CDH12: variants seen among roughly 807,000 people sequenced by gnomAD.
The protein encoded by CDH12 is cadherin-12.
Under a neutral mutation model 74.1 loss-of-function variants are expected in CDH12, and 41 were observed. The observed-to-expected ratio is 0.55, with a 90% CI of 0.43 to 0.72. The LOEUF (loss-of-function observed/expected upper bound fraction) is 0.72. Among genes scored for constraint, CDH12 ranks in the 30% least tolerant of loss-of-function variants. The pLI is 0.00. For missense variants in CDH12, 945 were observed against 977.2 expected (o/e 0.97, Z 0.44); for synonymous variants, 399 against 355.0 (o/e 1.12, Z -1.39).
Position 22,601,671 on chromosome 5 carries a change from T to G in CDH12, c.-522-96307A>C, listed in dbSNP as rs543998014. On this transcript the variant is annotated intron_variant, in intron 1 of 14. Transcript: ENST00000382254. ...TAAGTTATCGACTGGGTACTTTCTT[T>G]ACGTGTGTAATTTAATCCTTACATC... 9.2e-5 allele frequency among the ~76,000 whole-genome samples: 14 copies of G among 152,192 alleles called. No individual in the cohort carries two copies. In the South Asian group the frequency reaches 2.9e-3, roughly 32 times the overall value.
At chr5:22,632,547 T>A (rs1738640990) in intron 1 of CDH12, among the ~76,000 whole-genome samples, 1 of 152,124 alleles carries the variant, frequency 6.6e-6, no homozygotes, top group African/African-American at 2.4e-5. Context: ...TCACTGAAGA[T>A]GTTCAAAAGT....
At chr5:22,386,983 T>C (rs1742026102) in intron 3 of CDH12, among the ~76,000 whole-genome samples, 1 of 151,972 alleles carries the variant, frequency 6.6e-6, no homozygotes, top group Non-Finnish European at 1.5e-5. Flanking sequence ...TTAAATTGTG[T>C]TGACAAACCT....
intron 1 of CDH12, among the ~76,000 whole-genome samples, chr5:22,621,903 C>T (rs1336725062): frequency 6.6e-6 from 1 of 151,992 alleles, no homozygotes; most frequent in Admixed American, 6.6e-5. Flanking sequence ...CAATCATTTT[C>T]AATGGAATTT....
intron 4 of CDH12, among the ~76,000 whole-genome samples, chr5:22,084,907 A>G (rs115687978): frequency 2.1e-4 from 32 of 152,294 alleles, no homozygotes; most frequent in African/African-American, 7.7e-4. Flanking sequence ...CCCAGCACCA[A>G]TGGTGTTGTT....
intron 4 of CDH12, among the ~76,000 whole-genome samples, chr5:22,158,499 A>G (rs903500790): frequency 3.3e-5 from 5 of 152,090 alleles, no homozygotes; most frequent in African/African-American, 7.2e-5. Context: ...CCATTCATGA[A>G]GACCTTGTAC....
intron 3 of CDH12, among the ~76,000 whole-genome samples, chr5:22,265,872 T>C (rs1410098310): frequency 1.3e-5 from 2 of 152,056 alleles, no homozygotes; most frequent in Non-Finnish European, 2.9e-5. Flanking sequence ...CACAGATGAT[T>C]GGTACACTTA....
chr5:22,835,377 C>A (rs574938747), intron 1 of CDH12, among the ~76,000 whole-genome samples: 2 of 152,110 alleles, frequency 1.3e-5, no homozygotes, highest in Non-Finnish European at 2.9e-5. Flanking sequence ...AGATGGGAAG[C>A]AGCATTGTTA....
intron 5 of CDH12, among the ~76,000 whole-genome samples, chr5:21,981,485 C>T (rs1757304356): frequency 6.6e-6 from 1 of 152,026 alleles, no homozygotes. Context: ...AACCATCACC[C>T]TAACACCCTT....
At chr5:21,955,795 C>T (rs1215628926) in intron 6 of CDH12, among the ~76,000 whole-genome samples, 17 of 151,988 alleles carry the variant, frequency 1.1e-4, no homozygotes, top group Non-Finnish European at 1.3e-4. Context: ...TGTGTGATGG[C>T]GTGACTCAGG....
intron 3 of CDH12, among the ~76,000 whole-genome samples, chr5:22,333,268 T>C (rs1331394514): frequency 2.0e-5 from 3 of 151,372 alleles, no homozygotes; most frequent in Non-Finnish European, 2.9e-5. Context: ...TGAATAATGA[T>C]AACACATGGA....
At chr5:22,044,928 A>T (rs1393794144) in intron 5 of CDH12, among the ~76,000 whole-genome samples, 2 of 152,236 alleles carry the variant, frequency 1.3e-5, no homozygotes, top group East Asian at 3.8e-4. Context: ...AGGCAACAAA[A>T]GCAAAAATAG....
intron 3 of CDH12, among the ~76,000 whole-genome samples, chr5:22,355,453 A>G (rs539471746): frequency 2.0e-5 from 3 of 151,802 alleles, no homozygotes; most frequent in South Asian, 4.2e-4. Context: ...TAAGACTTCA[A>G]GTAGTAAGTA....
chr5:22,555,356 G>A (rs1738756645), intron 1 of CDH12, among the ~76,000 whole-genome samples: 1 of 151,926 alleles, frequency 6.6e-6, no homozygotes, highest in Non-Finnish European at 1.5e-5. Flanking sequence ...TTTCTTGTAT[G>A]CTTCATTTAT....
chr5:21,988,491 CA>C (rs1157872208), intron 5 of CDH12, among the ~76,000 whole-genome samples: 779 of 29,400 alleles, frequency 0.026, no homozygotes, highest in Non-Finnish European at 0.053. Context: ...GACTCCGTCT[CA>C]AAAAAAAAAA....
At chr5:22,480,022 T>C (rs973601868) in intron 2 of CDH12, among the ~76,000 whole-genome samples, 5 of 152,192 alleles carry the variant, frequency 3.3e-5, no homozygotes, top group African/African-American at 1.2e-4. Context: ...GGTAACCCAT[T>C]GTTTCTATCA....
intron 4 of CDH12, among the ~76,000 whole-genome samples, chr5:22,197,164 G>A (rs1750665634): frequency 6.6e-6 from 1 of 152,146 alleles, no homozygotes; most frequent in African/African-American, 2.4e-5. Context: ...GGAAAGAATA[G>A]CCGGGTGCAG....
intron 4 of CDH12, among the ~76,000 whole-genome samples, chr5:22,188,482 G>C (rs1373590837): frequency 2.0e-5 from 3 of 152,226 alleles, no homozygotes; most frequent in African/African-American, 7.2e-5. Flanking sequence ...AGAGAGGCAG[G>C]ATGCTTAGTG....
intron 2 of CDH12, among the ~76,000 whole-genome samples, chr5:22,504,321 A>T (rs1166427036): frequency 6.6e-6 from 1 of 152,046 alleles, no homozygotes; most frequent in Non-Finnish European, 1.5e-5. Flanking sequence ...AACTACACTA[A>T]AGCCTAACCT....
intron 3 of CDH12, among the ~76,000 whole-genome samples, chr5:22,273,654 A>G (rs1219364798): frequency 1.3e-5 from 2 of 152,160 alleles, no homozygotes; most frequent in African/African-American, 4.8e-5. Flanking sequence ...GCAATGATAG[A>G]AGTAATCTTT....
Sources: allele counts gnomAD v4.1 joint callset (sites outside exome capture counted in the v4.1 genomes callset), GRCh38; gene constraint gnomAD v4.1.1; transcripts MANE v1.5; gene names NCBI Gene and HGNC (gene_info 2026-07-23, HGNC 2026-07-21).